The following BCKDHB variants were observed in gnomAD, a reference collection of about 807,000 sequenced individuals.
BCKDHB encodes branched chain keto acid dehydrogenase E1 subunit beta.
BCKDHB carries 41 observed loss-of-function variants against 48.5 expected under a neutral mutation model. The ratio of observed to expected loss-of-function variants is 0.85; its 90% CI spans 0.66 to 1.10. BCKDHB has a LOEUF of 1.10. Among genes scored for constraint, BCKDHB ranks in the 50% least tolerant of loss-of-function variants. The pLI is 0.00. For missense variants in BCKDHB, 496 were observed against 494.2 expected (o/e 1.00, Z -0.03); for synonymous variants, 201 against 174.8 (o/e 1.15, Z -1.18).
chr6:80,200,933 G>A lies in BCKDHB; in HGVS notation c.743-1G>A. On this transcript the variant is annotated splice_acceptor_variant, in intron 6 of 9. Coordinates refer to ENST00000320393, the MANE Select transcript of BCKDHB (RefSeq NM_183050.4). LOFTEE classifies it high-confidence loss of function. The stretch of plus-strand genomic sequence containing the variant: ...TTTTTTTTTTCCTGTTCTGTATTTA[G>A]CGGAAGAAGTCCCTATAGAACCATA... The A allele has an allele frequency of 6.3e-7, 1 of 1,599,974 alleles. No individual in the cohort carries two copies. The highest frequency in any genetic ancestry group is 8.6e-7 in the Non-Finnish European group (1 of 1,168,562).
At chr6:80,428,286 G>C in the BCKDHB span, among the ~76,000 whole-genome samples, 1 of 152,064 alleles carries the variant, frequency 6.6e-6, no homozygotes, top group Admixed American at 6.5e-5. Flanking sequence ...TGGACATTTG[G>C]GTTGGTTCCA....
At chr6:80,306,043 A>G (rs756095802) in intron 9 of BCKDHB, among the ~76,000 whole-genome samples, 3 of 152,208 alleles carry the variant, frequency 2.0e-5, no homozygotes, top group Non-Finnish European at 4.4e-5. Context: ...TACTTCTTCC[A>G]TATGGCTATC....
At chr6:80,205,078 G>A (rs957010756) in intron 8 of BCKDHB, among the ~76,000 whole-genome samples, 2 of 151,976 alleles carry the variant, frequency 1.3e-5, no homozygotes, top group African/African-American at 2.4e-5. Context: ...GGGTCTATTT[G>A]AGACTCTCTT....
At chr6:80,377,525 T>C in the BCKDHB span, among the ~76,000 whole-genome samples, 5 of 152,200 alleles carry the variant, frequency 3.3e-5, no homozygotes, top group Non-Finnish European at 5.9e-5. Flanking sequence ...TTTCTTTATA[T>C]AGTATGAAGT....
the BCKDHB span, among the ~76,000 whole-genome samples, chr6:80,428,306 A>C: frequency 6.6e-6 from 1 of 152,128 alleles, no homozygotes; most frequent in South Asian, 2.1e-4. Context: ...AAGTCTTGCT[A>C]TTCTGAATAG....
At chr6:80,216,030 G>A (rs976272126) in intron 8 of BCKDHB, among the ~76,000 whole-genome samples, 8 of 152,126 alleles carry the variant, frequency 5.3e-5, no homozygotes, top group Admixed American at 4.6e-4. Flanking sequence ...GTGAGCCACC[G>A]TGCCCGGCCA....
At chr6:80,441,350 G>A in the BCKDHB span, among the ~76,000 whole-genome samples, 1 of 152,048 alleles carries the variant, frequency 6.6e-6, no homozygotes, top group Non-Finnish European at 1.5e-5. Flanking sequence ...TCTGTTATGT[G>A]TATGTATGTC....
the BCKDHB span, among the ~76,000 whole-genome samples, chr6:80,426,231 C>G: frequency 6.6e-6 from 1 of 152,124 alleles, no homozygotes; most frequent in African/African-American, 2.4e-5. Context: ...TGATACTGCA[C>G]TCTATAGGAT....
At chr6:80,291,775 G>A (rs1766928747) in intron 9 of BCKDHB, among the ~76,000 whole-genome samples, 1 of 152,116 alleles carries the variant, frequency 6.6e-6, no homozygotes, top group African/African-American at 2.4e-5. Flanking sequence ...TTAATAACAA[G>A]TGTACCACAG....
chr6:80,134,476 T>C (rs1770786344), intron 3 of BCKDHB, among the ~76,000 whole-genome samples: 1 of 151,994 alleles, frequency 6.6e-6, no homozygotes, highest in Non-Finnish European at 1.5e-5. Flanking sequence ...TATTTGGGAG[T>C]TGACTTTGGG....
At chr6:80,146,990 A>G (rs1562086484) in intron 3 of BCKDHB, among the ~76,000 whole-genome samples, 1 of 152,174 alleles carries the variant, frequency 6.6e-6, no homozygotes, top group African/African-American at 2.4e-5. Context: ...AGTTGGCACT[A>G]TGCTTACATA....
the BCKDHB span, among the ~76,000 whole-genome samples, chr6:80,366,030 T>G: frequency 6.6e-6 from 1 of 152,234 alleles, no homozygotes; most frequent in South Asian, 2.1e-4. Flanking sequence ...ATATGCAGTT[T>G]GTGCTTTTAT....
At chr6:80,245,772 T>C (rs1024551693) in intron 8 of BCKDHB, among the ~76,000 whole-genome samples, 12 of 152,032 alleles carry the variant, frequency 7.9e-5, no homozygotes, top group African/African-American at 2.9e-4. Context: ...GCAAGTATTA[T>C]CCAGTTAGAA....
chr6:80,160,275 G>A lies in BCKDHB; in HGVS notation c.344-7403G>A, dbSNP rs1435588063. ...GGGTTCAAGCGATTCTCCTGCCTCA[G>A]CCTCCCAAGTAGCTGGGTTTACAGG... On this transcript the variant is annotated intron_variant, in intron 3 of 9. Coordinates refer to ENST00000320393, the MANE Select transcript of BCKDHB (RefSeq NM_183050.4). Among the ~76,000 whole-genome samples, 4 of 152,010 alleles carry A rather than the reference G, an allele frequency of 2.6e-5. No homozygotes were observed. The East Asian group carries it at 5.8e-4, about 22-fold the overall frequency.
chr6:80,428,073 C>T, the BCKDHB span, among the ~76,000 whole-genome samples: 1 of 151,672 alleles, frequency 6.6e-6, no homozygotes, highest in Non-Finnish European at 1.5e-5. Flanking sequence ...CTCCCTGTGT[C>T]CATGTGTTCT....
intron 8 of BCKDHB, among the ~76,000 whole-genome samples, chr6:80,223,673 C>T (rs189650794): frequency 4.1e-4 from 63 of 152,120 alleles, no homozygotes; most frequent in African/African-American, 1.4e-3. Flanking sequence ...AAAAAGGAGG[C>T]GATTAATCCT....
chr6:80,118,145 C>T (rs1249042164), intron 1 of BCKDHB, among the ~76,000 whole-genome samples: 1 of 151,976 alleles, frequency 6.6e-6, no homozygotes, highest in African/African-American at 2.4e-5. Flanking sequence ...TTTATAAAAT[C>T]GAGAAGGATT....
At chr6:80,460,028 C>T in the BCKDHB span, among the ~76,000 whole-genome samples, 2 of 152,006 alleles carry the variant, frequency 1.3e-5, no homozygotes, top group African/African-American at 4.8e-5. Flanking sequence ...AGGATTGTTC[C>T]TTATTGAGCT....
chr6:80,127,389 C>G, intron 1 of BCKDHB, 158 bp from the exon 2 acceptor site: 2 of 680,060 alleles, frequency 2.9e-6, no homozygotes, highest in Non-Finnish European at 5.1e-6. Context: ...GTCTGTATTG[C>G]TTTTGTATCT....
Sources: gnomAD v4.1 joint callset for allele counts (sites outside exome capture counted in the v4.1 genomes callset) on GRCh38, gnomAD v4.1.1 for gene constraint, MANE v1.5 for transcripts, NCBI Gene and HGNC (gene_info 2026-07-23, HGNC 2026-07-21) for gene names.